SCAF11: variants seen among roughly 807,000 people sequenced by gnomAD.
The protein encoded by SCAF11 is SR-related CTD associated factor 11, also known as protein SCAF11.
SCAF11 carries 47 observed loss-of-function variants against 140.5 expected under a neutral mutation model. That is an observed-to-expected ratio of 0.33 (90% CI 0.26 to 0.43). The LOEUF (loss-of-function observed/expected upper bound fraction) is 0.43. Ranked by LOEUF, SCAF11 falls within the 20% of genes least tolerant of loss-of-function variation. The probability of loss-of-function intolerance (pLI) is 1.00; values close to 1 mark genes in which losing one functional copy is unlikely to be tolerated. For synonymous variants in SCAF11, 557 were observed against 579.4 expected, an observed-to-expected ratio of 0.96 and a Z score of 0.55; for missense variants, 1,645 against 1,705.1, an observed-to-expected ratio of 0.96 and a Z score of 0.62.
chr12:45,949,112 A>G (rs536201838), intron 4 of SCAF11, among the ~76,000 whole-genome samples: 25 of 152,314 alleles, frequency 1.6e-4, no homozygotes, highest in Admixed American at 5.9e-4. Context: ...TTTTAGGAAG[A>G]TAACTTTGGT....
chr12:45,984,703 T>TC (rs1946422843), intron 1 of SCAF11, among the ~76,000 whole-genome samples: 3 of 151,594 alleles, frequency 2.0e-5, no homozygotes, highest in Admixed American at 2.0e-4. Context: ...TCCTTTTTTT[T>TC]TTTTTTTTTG....
chr12:45,970,085 G>A (rs377317769), intron 1 of SCAF11, among the ~76,000 whole-genome samples: 4 of 152,302 alleles, frequency 2.6e-5, no homozygotes, highest in African/African-American at 9.6e-5. Flanking sequence ...TAGGAGAGAC[G>A]GGGTTTCACC....
chr12:45,990,319 A>C (rs571448717), intron 1 of SCAF11, 34 bp downstream of exon 1: 1 of 1,231,744 alleles, frequency 8.1e-7, no homozygotes, highest in Non-Finnish European at 1.0e-6. Flanking sequence ...CAGCTGCCCA[A>C]GCCCATCCAC....
intron 1 of SCAF11, among the ~76,000 whole-genome samples, chr12:45,989,964 G>A (rs1282932142): frequency 6.6e-6 from 1 of 151,826 alleles, no homozygotes; most frequent in African/African-American, 2.4e-5. Flanking sequence ...CGGTTCTGGC[G>A]TGGAGCCCCT....
intron 2 of SCAF11, 141 bp from the exon 3 acceptor site, chr12:45,961,998 T>C (rs1015494184): frequency 5.8e-6 from 3 of 517,776 alleles, no homozygotes; most frequent in Non-Finnish European, 9.4e-6. Flanking sequence ...ATAGCAAACA[T>C]ACTGCTTGAG....
chr12:45,929,028 T>C (rs549799059), intron 10 of SCAF11, 169 bp from the exon 11 acceptor site: 24 of 395,926 alleles, frequency 6.1e-5, no homozygotes, highest in Non-Finnish European at 9.6e-5. Flanking sequence ...ATATGACTTA[T>C]TCATCAACTT....
Position 45,934,497 on chromosome 12 carries a change from A to C in SCAF11, c.472T>G (p.Leu158Val), listed in dbSNP as rs1261640819. Residue 158 changes from leucine to valine, a missense_variant, in exon 7 of 15, where the codon TTA (leucine) becomes GTA (valine). Leu to Val is a conservative substitution (Grantham distance 32, BLOSUM62 1). Coordinates refer to ENST00000369367, the MANE Select transcript of SCAF11 (RefSeq NM_004719.3). ...CDLKWIHRNS[L>V]YSETGGKKNA... ...TTCTTTCCTCCTGTTTCACTGTATA[A>C]AGAGTTTCCTGTACAAAGACATAAA... is the stretch of plus-strand genomic sequence containing the variant. 6.3e-7 allele frequency: 1 copy of C among 1,586,222 alleles called. No homozygotes were observed. Among genetic ancestry groups the C allele is most frequent in the Non-Finnish European group, 8.5e-7 (1 of 1,171,050 alleles).
intron 1 of SCAF11, among the ~76,000 whole-genome samples, chr12:45,969,292 T>C (rs1474276694): frequency 6.6e-6 from 1 of 152,220 alleles, no homozygotes; most frequent in African/African-American, 2.4e-5. Context: ...AACTATTCTT[T>C]AGCCTAGTCT....
chr12:45,947,286 T>C (rs375743973), intron 5 of SCAF11, among the ~76,000 whole-genome samples: 2 of 152,196 alleles, frequency 1.3e-5, no homozygotes, highest in African/African-American at 4.8e-5. Flanking sequence ...GTACTACTCA[T>C]ATTCAATTTA....
At position 45,985,859 on chromosome 12, in the gene SCAF11, TAC is replaced by T. The variant is rs528921590; in HGVS notation, c.-22+4492_-22+4493del. Among the ~76,000 whole-genome samples, 11 of 152,308 alleles carry T rather than the reference TAC, an allele frequency of 7.2e-5. No homozygotes were observed. In the East Asian group the frequency reaches 2.1e-3, roughly 29 times the overall value. On this transcript the variant is annotated intron_variant, in intron 1 of 14. Transcript: ENST00000369367. Reference sequence around the variant, plus strand: ...AAAAGGCCAATGAGCTTCACATTGTTACACTCAACAGAATTTTTTTTAGTTCT... The same window carrying T: ...AAAAGGCCAATGAGCTTCACATTGTTACTCAACAGAATTTTTTTTAGTTCT...
chr12:45,963,890 A>G (rs972004048), intron 2 of SCAF11, among the ~76,000 whole-genome samples: 4 of 152,218 alleles, frequency 2.6e-5, no homozygotes, highest in Non-Finnish European at 5.9e-5. Context: ...CCTTTAAGAA[A>G]AAAGGGAAAA....
chr12:45,925,851 A>G (rs1166882659), intron 11 of SCAF11, among the ~76,000 whole-genome samples: 1 of 152,222 alleles, frequency 6.6e-6, no homozygotes, highest in Non-Finnish European at 1.5e-5. Flanking sequence ...TAAACAAATT[A>G]GAGGTTAAAT....
Position 45,927,399 on chromosome 12 carries a change from C to T in SCAF11, c.2302G>A (p.Glu768Lys). 6.2e-7 allele frequency: 1 copy of T among 1,613,974 alleles called. No individual in the cohort carries two copies. Among genetic ancestry groups the T allele is most frequent in the Non-Finnish European group, 8.5e-7 (1 of 1,179,988 alleles). The change falls in exon 11 of 15, where the codon GAA becomes AAA. Residue 768 changes from glutamate to lysine, a missense_variant. Around this residue, in one of 2 missense-constraint regions of SCAF11, gnomAD observed 1,582 missense variants for 1,609.2 expected, o/e 0.98. Coordinates refer to ENST00000369367, the MANE Select transcript of SCAF11 (RefSeq NM_004719.3). Reference protein sequence around the residue: ...PSSDLADEKVETVSQPSESPK... With the variant: ...PSSDLADEKVKTVSQPSESPK... Reference sequence around the variant, plus strand: ...CTTTCAGATGGTTGAGAAACAGTTTCAACCTTTTCATCCGCAAGATCAGAA... The same window carrying T: ...CTTTCAGATGGTTGAGAAACAGTTTTAACCTTTTCATCCGCAAGATCAGAA...
At chr12:45,949,355 A>T (rs1945497044) in intron 4 of SCAF11, among the ~76,000 whole-genome samples, 1 of 152,192 alleles carries the variant, frequency 6.6e-6, no homozygotes, top group Admixed American at 6.5e-5. Context: ...TTTTTAAAAG[A>T]ATGTAAAATC....
At chr12:45,942,787 C>T (rs1945335035) in intron 6 of SCAF11, among the ~76,000 whole-genome samples, 1 of 152,184 alleles carries the variant, frequency 6.6e-6, no homozygotes, top group Non-Finnish European at 1.5e-5. Flanking sequence ...ATGTCATCAC[C>T]CTTTAATCTT....
At chr12:45,975,941 G>C (rs1946223138) in intron 1 of SCAF11, among the ~76,000 whole-genome samples, 1 of 152,168 alleles carries the variant, frequency 6.6e-6, no homozygotes, top group South Asian at 2.1e-4. Flanking sequence ...TTGAAATACT[G>C]TGAGAATTAC....
In SCAF11 at chr12:45,922,135, G is replaced by A. The variant is rs376431197; in HGVS notation, c.4305C>T (p.Ala1435=). 1.2e-6 allele frequency: 2 copies of A among 1,613,340 alleles called. No individual in the cohort carries two copies. Among genetic ancestry groups the A allele is most frequent in the East Asian group, 4.5e-5 (2 of 44,810 alleles). The change falls in exon 15 of 15, where the codon GCC becomes GCT. Residue 1435 remains alanine, a synonymous_variant. Coordinates refer to ENST00000369367, the MANE Select transcript of SCAF11 (RefSeq NM_004719.3). ...GTGAATATTTGTATTTGTCTACATA[G>A]GCTTTAACCAGATTTGCCACTTTAG... ...NSTKVANLVK[A]YVDKYKYSRK...
chr12:45,959,940 A>G (rs537313553), intron 3 of SCAF11, among the ~76,000 whole-genome samples: 1 of 152,318 alleles, frequency 6.6e-6, no homozygotes, highest in South Asian at 2.1e-4. Flanking sequence ...CCAGCATCAC[A>G]GTTTATAATA....
At position 45,928,813 on chromosome 12, in the gene SCAF11, T is replaced by C; in HGVS notation, c.888A>G (p.Glu296=). ...ATGTACCAGAAGTTTGCTTCTTTTC[T>C]TCCCCTTCTTGAGTATGTGCTAATG... The part of the protein sequence containing the change: ...GYALAHTQEG[E]EKKQTSGTSN... The change falls in exon 11 of 15, where the codon GAA becomes GAG. Residue 296 remains glutamate, a synonymous_variant. Transcript: ENST00000369367. The C allele has an allele frequency of 6.2e-7, 1 of 1,612,968 alleles. No homozygotes were observed. The highest frequency in any genetic ancestry group is 8.5e-7 in the Non-Finnish European group (1 of 1,179,920).
Sources: gnomAD v4.1 joint callset for allele counts (sites outside exome capture counted in the v4.1 genomes callset) on GRCh38, gnomAD v4.1.1 for gene constraint, gnomAD v4.1.1 regional missense constraint, MANE v1.5 for transcripts, NCBI Gene and HGNC (gene_info 2026-07-23, HGNC 2026-07-21) for gene names.